Variants in PPA2 observed in about 807,000 individuals in gnomAD.
PPA2 encodes inorganic pyrophosphatase 2, mitochondrial.
In PPA2, 48 loss-of-function variants were observed where a neutral mutation model predicts 49.5. That is an observed-to-expected ratio of 0.97 (90% confidence interval 0.77 to 1.23). PPA2 has a LOEUF of 1.23. PPA2 is among the 50% of genes most tolerant of loss of function. PPA2 has a pLI of 0.00. For missense variants in PPA2, 429 were observed against 410.1 expected, an observed-to-expected ratio of 1.05 and a Z score of -0.40; for synonymous variants, 131 against 139.9, an observed-to-expected ratio of 0.94 and a Z score of 0.45.
rs1258806214 is a variant in PPA2, at chr4:105,417,472, C to T, written c.655+6724G>A. Among the ~76,000 whole-genome samples the T allele has an allele frequency of 9.2e-5, 14 of 151,504 alleles. No homozygotes were observed. In the East Asian group the frequency reaches 1.6e-3, roughly 17 times the overall value. The stretch of plus-strand genomic sequence containing the variant: ...AGGCTTTGAGAGGTTATGACTTTTC[C>T]GAGGTCAGATAATTAATAAACAAAA... On this transcript the variant is annotated intron_variant, in intron 7 of 11. Transcript: ENST00000341695.
intron 7 of PPA2, among the ~76,000 whole-genome samples, chr4:105,403,404 T>G (rs2110401040): frequency 6.6e-6 from 1 of 152,244 alleles, no homozygotes; most frequent in East Asian, 1.9e-4. Flanking sequence ...TGACAAATAG[T>G]GTGCAGCCAT....
intron 4 of PPA2, 33 bp downstream of exon 4, chr4:105,449,317 T>C: frequency 7.3e-7 from 1 of 1,370,360 alleles, no homozygotes; most frequent in Non-Finnish European, 1.0e-6. Flanking sequence ...ATTATAATCA[T>C]TTCGGTTTCA....
intron 9 of PPA2, among the ~76,000 whole-genome samples, chr4:105,388,924 C>T (rs1019856943): frequency 2.6e-5 from 4 of 151,462 alleles, no homozygotes; most frequent in South Asian, 2.1e-4. Flanking sequence ...TAAGATAAAC[C>T]GATACATAGG....
intron 9 of PPA2, among the ~76,000 whole-genome samples, chr4:105,393,285 G>A (rs1187504802): frequency 6.6e-6 from 1 of 151,862 alleles, no homozygotes; most frequent in African/African-American, 2.4e-5. Flanking sequence ...CTTGATCCCA[G>A]GAGTTCGTGA....
chr4:105,424,348 T>C, intron 6 of PPA2, 26 bp from the exon 7 acceptor site: 1 of 1,567,554 alleles, frequency 6.4e-7, no homozygotes, highest in South Asian at 1.2e-5. Context: ...AAATTCACTA[T>C]TTGCAAGGCT....
chr4:105,408,310 T>A (rs1722581568), intron 7 of PPA2, among the ~76,000 whole-genome samples: 1 of 152,204 alleles, frequency 6.6e-6, no homozygotes, highest in Non-Finnish European at 1.5e-5. Context: ...TGTTAAGAAC[T>A]TTGGATAAAC....
At chr4:105,412,454 A>G (rs1444023033) in intron 7 of PPA2, among the ~76,000 whole-genome samples, 5 of 152,242 alleles carry the variant, frequency 3.3e-5, no homozygotes, top group African/African-American at 1.2e-4. Context: ...AAACACCAAA[A>G]GCAATGGCAA....
Position 105,379,630 on chromosome 4 carries a change from ATT to A in PPA2, c.939+6935_939+6936del, listed in dbSNP as rs70964652. ...AGGCACCCGCCACCACGCCTGGCTA[ATT>A]TTTTTTTTTTTTTTTTTTTGAGACA... On this transcript the variant is annotated intron_variant, in intron 10 of 11. Transcript: ENST00000341695. 4.1e-4 allele frequency among the ~76,000 whole-genome samples: 52 copies of A among 127,678 alleles called. 1 individual carries two copies. Among genetic ancestry groups the A allele is most frequent in the South Asian group, 9.7e-4 (4 of 4,140 alleles). 83.8% of individuals were successfully genotyped at this position (127,678 alleles called of 152,430 possible). A position where few individuals can be genotyped will look rare whatever the true frequency, so the allele number is the denominator to read the frequency against.
chr4:105,441,505 A>G (rs1724356524), intron 5 of PPA2, among the ~76,000 whole-genome samples: 1 of 152,158 alleles, frequency 6.6e-6, no homozygotes, highest in Non-Finnish European at 1.5e-5. Context: ...TTCTTTTATA[A>G]CAATCTGGAA....
intron 9 of PPA2, among the ~76,000 whole-genome samples, chr4:105,392,502 G>A (rs185799047): frequency 2.6e-5 from 4 of 151,970 alleles, no homozygotes; most frequent in South Asian, 2.1e-4. Context: ...GTGAAACCTC[G>A]TCTCTACTAA....
At chr4:105,448,576 A>AT (rs200553208) in intron 4 of PPA2, among the ~76,000 whole-genome samples, 2 of 141,152 alleles carry the variant, frequency 1.4e-5, no homozygotes, top group Admixed American at 7.1e-5. Context: ...GGAAAAATTT[A>AT]AAAAAAAAAA....
At chr4:105,449,302 A>G in intron 4 of PPA2, 48 bp downstream of exon 4, 1 of 1,101,222 alleles carries the variant, frequency 9.1e-7, no homozygotes, top group South Asian at 1.5e-5. Context: ...ACAAAGTTTT[A>G]TATCATTATA....
intron 1 of PPA2, among the ~76,000 whole-genome samples, chr4:105,458,562 C>T (rs530242393): frequency 8.6e-5 from 13 of 152,046 alleles, no homozygotes; most frequent in East Asian, 1.9e-4. Context: ...CGATGGCTCA[C>T]GCTAATTCCA....
At chr4:105,375,476 T>C (rs551473414) in intron 10 of PPA2, among the ~76,000 whole-genome samples, 2 of 152,218 alleles carry the variant, frequency 1.3e-5, no homozygotes, top group African/African-American at 4.8e-5. Flanking sequence ...ATAAATATTG[T>C]AGTGTGATCT....
At chr4:105,430,016 C>T (rs1057407628) in intron 6 of PPA2, among the ~76,000 whole-genome samples, 2 of 152,182 alleles carry the variant, frequency 1.3e-5, no homozygotes, top group Non-Finnish European at 2.9e-5. Flanking sequence ...TATATGCATG[C>T]ATTCTTTGTA....
intron 2 of PPA2, chr4:105,456,283 C>T: frequency 2.2e-6 from 1 of 463,476 alleles, no homozygotes; most frequent in South Asian, 1.5e-5. Context: ...TGCCTTGAGC[C>T]TCAGTGTCCT....
At chr4:105,422,411 C>T (rs1339875485) in intron 7 of PPA2, among the ~76,000 whole-genome samples, 1 of 152,112 alleles carries the variant, frequency 6.6e-6, no homozygotes, top group Non-Finnish European at 1.5e-5. Context: ...GAAAGGTGTC[C>T]AAAGTGCAAA....
chr4:105,453,498 G>T (rs745375058), intron 3 of PPA2, 100 bp downstream of exon 3: 2 of 858,596 alleles, frequency 2.3e-6, no homozygotes, highest in South Asian at 2.6e-5. Context: ...GTCTTGCAGG[G>T]GTAAAAACCT....
chr4:105,426,000 G>A lies in PPA2; in HGVS notation c.529-1678C>T, dbSNP rs1248973373. Among the ~76,000 whole-genome samples, 4 of 152,042 alleles carry A rather than the reference G, an allele frequency of 2.6e-5. No individual in the cohort carries two copies. In the South Asian group the frequency reaches 6.2e-4, roughly 24 times the overall value. On this transcript the variant is annotated intron_variant, in intron 6 of 11. Coordinates refer to ENST00000341695, the MANE Select transcript of PPA2 (RefSeq NM_176869.3). ...AAAACGCTACCAACCTAGAATGCCGGGAGTCATAAAGACTTTGCAAAGGGG... is the reference window on the plus strand; with the variant it reads ...AAAACGCTACCAACCTAGAATGCCGAGAGTCATAAAGACTTTGCAAAGGGG...
Sources: allele counts gnomAD v4.1 joint callset (sites outside exome capture counted in the v4.1 genomes callset), GRCh38; gene constraint gnomAD v4.1.1; transcripts MANE v1.5; gene names NCBI Gene and HGNC (gene_info 2026-07-23, HGNC 2026-07-21).